Variants in TBX15 observed in about 807,000 individuals in gnomAD.
TBX15 encodes the protein T-box transcription factor TBX15.
A neutral mutation model predicts 53.9 loss-of-function variants in TBX15; 18 were observed. That is an observed-to-expected ratio of 0.33 (90% confidence interval 0.23 to 0.49). The LOEUF is 0.49. Among genes scored for constraint, TBX15 ranks in the 20% least tolerant of loss-of-function variants. The pLI is 0.98. For missense variants in TBX15, 692 were observed against 749.5 expected, an observed-to-expected ratio of 0.92 and a Z score of 0.90; for synonymous variants, 295 against 278.0, an observed-to-expected ratio of 1.06 and a Z score of -0.61.
chr1:118,899,582 T>C (rs1199431313), intron 6 of TBX15, among the ~76,000 whole-genome samples: 1 of 152,132 alleles, frequency 6.6e-6, no homozygotes, highest in Non-Finnish European at 1.5e-5. Flanking sequence ...CGAATGGAAC[T>C]GTCAAACTGC....
intron 1 of TBX15, among the ~76,000 whole-genome samples, chr1:118,981,115 C>A (rs1321789626): frequency 1.3e-5 from 2 of 152,186 alleles, no homozygotes; most frequent in Non-Finnish European, 2.9e-5. Flanking sequence ...GGGTTACAGG[C>A]ATGAGCCTGG....
Position 118,885,297 on chromosome 1 carries a change from C to T in TBX15, c.1244G>A (p.Gly415Glu), listed in dbSNP as rs762581402. ...CCTGTTGTAGCCACTGTCACTCAGCCCTGGGTAGCTCTGCAAGGCAGCCAT... is the reference window on the plus strand; with the variant it reads ...CCTGTTGTAGCCACTGTCACTCAGCTCTGGGTAGCTCTGCAAGGCAGCCAT... ...SNMAALQSYPGLSDSGYNRLQ... is the reference protein window; with the variant it reads ...SNMAALQSYPELSDSGYNRLQ... Residue 415 changes from glycine (G) to glutamate (E), a missense_variant, in exon 8 of 8, where the codon GGG (glycine) becomes GAG (glutamate). Transcript: ENST00000369429. 6.2e-7 allele frequency: 1 copy of T among 1,613,984 alleles called. No individual in the cohort carries two copies. The highest frequency in any genetic ancestry group is 1.1e-5 in the South Asian group (1 of 91,058).
intron 6 of TBX15, among the ~76,000 whole-genome samples, chr1:118,900,500 C>T (rs1035861341): frequency 6.6e-6 from 1 of 152,152 alleles, no homozygotes; most frequent in Non-Finnish European, 1.5e-5. Context: ...TCTGAACAGG[C>T]CTCACTTGCA....
Position 118,885,288 on chromosome 1 carries a change from T to A in TBX15, c.1253A>T (p.Asp418Val), listed in dbSNP as rs1295637835. ...AALQSYPGLS[D>V]SGYNRLQSGT... The stretch of plus-strand genomic sequence containing the variant: ...ACTCTGAAGCCTGTTGTAGCCACTG[T>A]CACTCAGCCCTGGGTAGCTCTGCAA... Residue 418 changes from aspartate (D) to valine (V), a missense_variant, in exon 8 of 8, where the codon GAC (aspartate) becomes GTC (valine). Coordinates refer to ENST00000369429, the MANE Select transcript of TBX15 (RefSeq NM_001330677.2). 1.2e-6 allele frequency: 2 copies of A among 1,614,018 alleles called. No individual in the cohort carries two copies. Among genetic ancestry groups the A allele is most frequent in the African/African-American group, 2.7e-5 (2 of 74,924 alleles).
intron 6 of TBX15, among the ~76,000 whole-genome samples, chr1:118,905,260 G>C (rs1037962836): frequency 3.3e-5 from 5 of 152,058 alleles, no homozygotes; most frequent in African/African-American, 1.2e-4. Flanking sequence ...GTCCCTCTAG[G>C]CCTCATTATC....
chr1:118,928,617 A>C (rs563110383), intron 2 of TBX15, among the ~76,000 whole-genome samples: 1 of 152,328 alleles, frequency 6.6e-6, no homozygotes, highest in African/African-American at 2.4e-5. Flanking sequence ...ATGGGGCAAA[A>C]GTCCTCTCAT....
chr1:118,892,953 C>T (rs1219445298), intron 7 of TBX15, among the ~76,000 whole-genome samples: 1 of 152,008 alleles, frequency 6.6e-6, no homozygotes, highest in Non-Finnish European at 1.5e-5. Context: ...ATTTTGGGGG[C>T]CAGGTGTGGT....
At chr1:118,922,398 A>G (rs1655453683) in intron 5 of TBX15, among the ~76,000 whole-genome samples, 2 of 152,216 alleles carry the variant, frequency 1.3e-5, no homozygotes, top group African/African-American at 4.8e-5. Context: ...ATGCCTGTTC[A>G]GACCCAGCCA....
At chr1:118,906,058 T>C (rs1339019511) in intron 6 of TBX15, among the ~76,000 whole-genome samples, 1 of 152,212 alleles carries the variant, frequency 6.6e-6, no homozygotes, top group East Asian at 1.9e-4. Flanking sequence ...AAATAGTGCA[T>C]TGACGTCATC....
chr1:118,893,404 AGAAAGGAAGAAG>A (rs1654250522), intron 7 of TBX15, among the ~76,000 whole-genome samples: 1 of 125,130 alleles, frequency 8.0e-6, no homozygotes, highest in Non-Finnish European at 1.6e-5. Context: ...AAAGAAAGAA[AGAAAGGAAGAAG>A]GAAAGAAAGA....
chr1:118,909,998 C>T (rs1023303757), intron 6 of TBX15, among the ~76,000 whole-genome samples: 5 of 152,168 alleles, frequency 3.3e-5, no homozygotes. Context: ...GGGCTACACT[C>T]GGATGGTTCT....
At chr1:118,941,003 T>A (rs890705993) in intron 1 of TBX15, among the ~76,000 whole-genome samples, 3 of 152,170 alleles carry the variant, frequency 2.0e-5, no homozygotes, top group Admixed American at 1.3e-4. Flanking sequence ...CTTCAAGATT[T>A]ACCAATTTCA....
chr1:118,935,602 T>C (rs1655943543), intron 1 of TBX15, among the ~76,000 whole-genome samples: 1 of 152,152 alleles, frequency 6.6e-6, no homozygotes, highest in Admixed American at 6.6e-5. Flanking sequence ...CTAGAGAACA[T>C]TTTGTGACTC....
chr1:118,908,606 G>GA (rs1263650792), intron 6 of TBX15, among the ~76,000 whole-genome samples: 2 of 151,786 alleles, frequency 1.3e-5, no homozygotes, highest in African/African-American at 4.8e-5. Context: ...AAACAACTTA[G>GA]AAAAAAGAAA....
chr1:118,983,845 C>A (rs1161282047), intron 1 of TBX15, among the ~76,000 whole-genome samples: 2 of 151,996 alleles, frequency 1.3e-5, no homozygotes, highest in African/African-American at 4.8e-5. Flanking sequence ...CCCTGGCTGG[C>A]GCTTGCCCCG....
At chr1:118,949,387 T>C (rs889137710) in intron 1 of TBX15, among the ~76,000 whole-genome samples, 3 of 152,232 alleles carry the variant, frequency 2.0e-5, no homozygotes, top group Non-Finnish European at 4.4e-5. Context: ...AAGGTCATCA[T>C]GTTAGCAAAC....
chr1:118,986,106 A>C (rs1017203472), intron 1 of TBX15, among the ~76,000 whole-genome samples: 2 of 152,226 alleles, frequency 1.3e-5, no homozygotes, highest in African/African-American at 2.4e-5. Context: ...CGTGGGGAAA[A>C]TAAAAGAACC....
rs548905715 is a variant in TBX15, at chr1:118,884,820, T to C, written c.1721A>G (p.Asn574Ser). Reference protein sequence around the residue: ...HSMHMISPSPNNQQATNTCDG... With the variant: ...HSMHMISPSPSNQQATNTCDG... The stretch of plus-strand genomic sequence containing the variant: ...ACAAGTGTTGGTTGCCTGTTGGTTA[T>C]TGGGTGAAGGGCTAATCATGTGCAT... The change falls in exon 8 of 8, where the codon AAT becomes AGT. Residue 574 changes from asparagine (N) to serine (S), a missense_variant. Physicochemically the swap from Asn to Ser is conservative, Grantham distance 46. Around this residue, in one of 3 missense-constraint regions of TBX15, gnomAD observed 375 missense variants for 371.6 expected, o/e 1.01. Transcript: ENST00000369429. 2.6e-5 allele frequency: 42 copies of C among 1,614,086 alleles called. 1 individual carries two copies. In the Admixed American group the frequency reaches 5.7e-4, roughly 22 times the overall value.
rs1171651567 is a variant in TBX15, at chr1:118,985,105, T to TTG, written c.205+2484_205+2485dup. Among the ~76,000 whole-genome samples the TTG allele has an allele frequency of 2.8e-3, 431 of 151,600 alleles. 1 individual carries two copies. Among genetic ancestry groups the TTG allele is most frequent in the Middle Eastern group, 0.014 (4 of 288 alleles). On this transcript the variant is annotated intron_variant, in intron 1 of 7. Coordinates refer to ENST00000369429, the MANE Select transcript of TBX15 (RefSeq NM_001330677.2). ...TAGGCATGAACGTGTGCGTGTGTGTTTGTGTGTGTGTGTGTGTTTCATTCT... is the reference window on the plus strand; with the variant it reads ...TAGGCATGAACGTGTGCGTGTGTGTTTGTGTGTGTGTGTGTGTGTTTCATTCT...
Sources: allele counts gnomAD v4.1 joint callset (sites outside exome capture counted in the v4.1 genomes callset), GRCh38; gene constraint gnomAD v4.1.1; regional missense constraint gnomAD v4.1.1; transcripts MANE v1.5; gene names NCBI Gene and HGNC (gene_info 2026-07-23, HGNC 2026-07-21).